C14orf93: variants seen among roughly 807,000 people sequenced by gnomAD.
The protein encoded by C14orf93 is chromosome 14 open reading frame 93.
A neutral mutation model predicts 44.0 loss-of-function variants in C14orf93; 23 were observed. That is an observed-to-expected ratio of 0.52 (90% CI 0.38 to 0.74). The LOEUF (loss-of-function observed/expected upper bound fraction) is 0.74. Among genes scored for constraint, C14orf93 ranks in the 30% least tolerant of loss-of-function variants. The pLI, the probability that C14orf93 is intolerant of heterozygous loss-of-function variation, is 0.00. For synonymous variants in C14orf93, 253 were observed against 265.7 expected, an observed-to-expected ratio of 0.95 and a Z score of 0.46; for missense variants, 579 against 678.9, an observed-to-expected ratio of 0.85 and a Z score of 1.64.
At position 23,003,883 on chromosome 14, in the gene C14orf93, TATATATATATA is replaced by T. The variant is rs1380191399; in HGVS notation, c.-379-4492_-379-4482del. ...ATATATATATATATATATATATATATATATATATATATATATTTTTTTTTTTTTTTTTTTTT... is the reference window on the plus strand; with the variant it reads ...ATATATATATATATATATATATATATTATATTTTTTTTTTTTTTTTTTTTT... On this transcript the variant is annotated intron_variant, in intron 1 of 6. Coordinates refer to ENST00000299088, the MANE Select transcript of C14orf93 (RefSeq NM_021944.4). Among the ~76,000 whole-genome samples the T allele has an allele frequency of 4.2e-3, 71 of 17,052 alleles. 1 individual carries two copies. The highest frequency in any genetic ancestry group is 6.3e-3 in the Non-Finnish European group (60 of 9,488). The allele number at this position is 17,052 out of a possible 152,430, so 11.2% of individuals were successfully genotyped here.
In C14orf93 at chr14:22,986,686, A is replaced by G. The variant is rs1413808353; in HGVS notation, c.*529T>C. On this transcript the variant is annotated 3_prime_UTR_variant, in exon 7 of 7. Transcript: ENST00000299088. ...TATTATATCAGGAACCCAATTCCCC[A>G]ATAGTGATAGAACTTGTGTTCCCTT... is the stretch of plus-strand genomic sequence containing the variant. 1 of 157,736 alleles carries G rather than the reference A, an allele frequency of 6.3e-6. No homozygotes were observed. Among genetic ancestry groups the G allele is most frequent in the Non-Finnish European group, 1.4e-5 (1 of 70,950 alleles). 9.8% of individuals were successfully genotyped at this position (157,736 alleles called of 1,614,324 possible). A position where few individuals can be genotyped will look rare whatever the true frequency, so the allele number is the denominator to read the frequency against.
intron 1 of C14orf93, among the ~76,000 whole-genome samples, chr14:23,002,338 G>A (rs2046353256): frequency 6.6e-6 from 1 of 150,944 alleles, no homozygotes; most frequent in Non-Finnish European, 1.5e-5. Context: ...TGTAATCCCA[G>A]CTACTCAGGA....
chr14:23,008,917 T>C (rs1234754175), intron 1 of C14orf93, among the ~76,000 whole-genome samples: 1 of 152,256 alleles, frequency 6.6e-6, no homozygotes, highest in East Asian at 1.9e-4. Flanking sequence ...TGGATTTTTT[T>C]CCTGATACTT....
intron 3 of C14orf93, 42 bp downstream of exon 3, chr14:22,995,906 C>G: frequency 2.0e-6 from 3 of 1,521,044 alleles, no homozygotes; most frequent in Non-Finnish European, 2.7e-6. Flanking sequence ...TCACTTATCT[C>G]TCCAGACTGA....
Position 22,998,493 on chromosome 14 carries a change from A to G in C14orf93, c.531T>C (p.Thr177=), listed in dbSNP as rs1204798016. 2 of 1,610,064 alleles carry G rather than the reference A, an allele frequency of 1.2e-6. No homozygotes were observed. Among genetic ancestry groups the G allele is most frequent in the East Asian group, 4.5e-5 (2 of 44,448 alleles). The change falls in exon 2 of 7, where the codon ACT becomes ACC. Residue 177 remains threonine, a synonymous_variant. Coordinates refer to ENST00000299088, the MANE Select transcript of C14orf93 (RefSeq NM_021944.4). ...VGPGPLGFPA[T]QRDMRLPGCT... ...ACCCTGGGAGCCGCATGTCCCTCTG[A>G]GTTGCTGGGAAGCCCAAAGGCCCAG...
At chr14:22,998,251 G>A in intron 2 of C14orf93, 176 bp downstream of exon 2, 1 of 968,922 alleles carries the variant, frequency 1.0e-6, no homozygotes. Flanking sequence ...GAAGCTGATG[G>A]TTCAGGAAGA....
intron 5 of C14orf93, 79 bp from the exon 6 acceptor site, chr14:22,988,094 C>CTATT: frequency 1.1e-6 from 1 of 913,386 alleles, no homozygotes; most frequent in Non-Finnish European, 1.8e-6. Flanking sequence ...TGCCCTAACA[C>CTATT]TATTGAATGG....
At position 22,996,449 on chromosome 14, in the gene C14orf93, G is replaced by C. The variant is rs759172276; in HGVS notation, c.598-181C>G. Among the ~76,000 whole-genome samples, 4 of 152,200 alleles carry C rather than the reference G, an allele frequency of 2.6e-5. No homozygotes were observed. The highest frequency in any genetic ancestry group is 4.4e-5 in the Non-Finnish European group (3 of 68,034). ...TATGAGTGTTGGGCAAATATTTCTT[G>C]TGTGTACAGGGCCTCTCATGTTGGG... is the stretch of plus-strand genomic sequence containing the variant. On this transcript the variant is annotated intron_variant, in intron 2 of 6. Transcript: ENST00000299088. The surrounding 1 kb of genome is among the most constrained non-coding windows in gnomAD (Gnocchi z 4.1).
At chr14:22,988,512 T>C (rs1461311534) in intron 5 of C14orf93, among the ~76,000 whole-genome samples, 4 of 152,112 alleles carry the variant, frequency 2.6e-5, no homozygotes, top group African/African-American at 9.7e-5. Flanking sequence ...TATTATGATT[T>C]TGTTATGAGA....
chr14:22,999,417 A>G lies in C14orf93; in HGVS notation c.-379-15T>C, dbSNP rs1285680952. Reference sequence around the variant, plus strand: ...CCTTCCGGCATCTGGAAAGATTAGAAGATTAAGGAAGAAAATGTAGATCTG... The same window carrying G: ...CCTTCCGGCATCTGGAAAGATTAGAGGATTAAGGAAGAAAATGTAGATCTG... On this transcript the variant is annotated splice_polypyrimidine_tract_variant and intron_variant, in intron 1 of 6. Transcript: ENST00000299088. The G allele has an allele frequency of 5.7e-6, 1 of 174,282 alleles. No individual in the cohort carries two copies. Among genetic ancestry groups the G allele is most frequent in the African/African-American group, 2.4e-5 (1 of 42,048 alleles). 10.8% of individuals were successfully genotyped at this position (174,282 alleles called of 1,614,324 possible). A position where few individuals can be genotyped will look rare whatever the true frequency, so the allele number is the denominator to read the frequency against.
intron 1 of C14orf93, among the ~76,000 whole-genome samples, chr14:23,009,048 C>T (rs1483847360): frequency 1.3e-5 from 2 of 152,222 alleles, no homozygotes; most frequent in East Asian, 3.8e-4. Flanking sequence ...AAAATATACA[C>T]AGCTGTACAC....
Position 22,987,483 on chromosome 14 carries a change from T to C in C14orf93, c.1349A>G (p.Gln450Arg), listed in dbSNP as rs751386041. ...WVARPPRFRA[Q>R]RLTELCYHLD... ...GTGGTAGCAGAGCTCTGTGAGGCGC[T>C]GGGCCCGGAAACGGGGAGGGCGGGC... The change falls in exon 7 of 7, where the codon CAG becomes CGG. Residue 450 changes from glutamine (Q) to arginine (R), a missense_variant. Gln to Arg is a conservative substitution (Grantham distance 43, BLOSUM62 1). Transcript: ENST00000299088. The surrounding 1 kb of genome is among the most constrained non-coding windows in gnomAD (Gnocchi z 5.6). 3 of 1,614,238 alleles carry C rather than the reference T, an allele frequency of 1.9e-6. No individual in the cohort carries two copies. Among genetic ancestry groups the C allele is most frequent in the Non-Finnish European group, 2.5e-6 (3 of 1,180,030 alleles).
At position 23,000,438 on chromosome 14, in the gene C14orf93, G is replaced by A. The variant is rs115267280; in HGVS notation, c.-379-1036C>T. Among the ~76,000 whole-genome samples the A allele has an allele frequency of 2.4e-3, 368 of 152,170 alleles. 1 individual carries two copies. Among genetic ancestry groups the A allele is most frequent in the African/African-American group, 8.4e-3 (350 of 41,510 alleles). On this transcript the variant is annotated intron_variant, in intron 1 of 6. Coordinates refer to ENST00000299088, the MANE Select transcript of C14orf93 (RefSeq NM_021944.4). ...CACAATTAAAAGGAGAGGAGGAGCC[G>A]GGCATGGTGGCTCACGCTTGTAATC...
intron 3 of C14orf93, chr14:22,994,012 G>C (rs755784293): frequency 2.6e-5 from 4 of 152,266 alleles, no homozygotes; most frequent in Non-Finnish European, 4.4e-5. Flanking sequence ...AGAATAGAGA[G>C]AGCATGATGG....
intron 3 of C14orf93, among the ~76,000 whole-genome samples, chr14:22,992,688 A>G (rs1027449895): frequency 5.3e-5 from 8 of 149,536 alleles, no homozygotes; most frequent in Non-Finnish European, 1.0e-4. Flanking sequence ...GGTTCAAGCA[A>G]TTCTCCTGGC....
At chr14:22,990,716 G>A (rs1407442746) in intron 3 of C14orf93, among the ~76,000 whole-genome samples, 4 of 151,804 alleles carry the variant, frequency 2.6e-5, no homozygotes, top group South Asian at 2.1e-4. Flanking sequence ...TGATCTGCCC[G>A]CCTTGACCTT....
At chr14:22,989,886 G>C in intron 4 of C14orf93, 41 bp from the exon 5 acceptor site, 8 of 1,560,476 alleles carry the variant, frequency 5.1e-6, no homozygotes, top group Non-Finnish European at 7.1e-6. Context: ...TGTCGGCTTT[G>C]TAAGAGCCAG....
chr14:22,995,754 C>T (rs2045935488), intron 3 of C14orf93, among the ~76,000 whole-genome samples, 194 bp downstream of exon 3: 1 of 151,254 alleles, frequency 6.6e-6, no homozygotes, highest in African/African-American at 2.4e-5. Context: ...TCTGGAAAAG[C>T]CTAAAAGCTT....
rs2045228475 is a variant in C14orf93, at chr14:22,986,369, AATGTATCC to A, written c.*838_*845del. 1 of 152,232 alleles carries A rather than the reference AATGTATCC, an allele frequency of 6.6e-6. No individual in the cohort carries two copies. Among genetic ancestry groups the A allele is most frequent in the African/African-American group, 2.4e-5 (1 of 41,454 alleles). 9.4% of individuals were successfully genotyped at this position (152,232 alleles called of 1,614,324 possible). A position where few individuals can be genotyped will look rare whatever the true frequency, so the allele number is the denominator to read the frequency against. ...CTGAACAGCATCCAACCTTATCAAC[AATGTATCC>A]ATAGCACAGTACCTGACACCTAGTA... On this transcript the variant is annotated 3_prime_UTR_variant, in exon 7 of 7. Transcript: ENST00000299088.
Sources: allele counts gnomAD v4.1 joint callset (sites outside exome capture counted in the v4.1 genomes callset), GRCh38; gene constraint gnomAD v4.1.1; non-coding constraint Gnocchi (gnomAD v3.1); transcripts MANE v1.5; gene names NCBI Gene and HGNC (gene_info 2026-07-23, HGNC 2026-07-21).